Variants in ANGPT1 observed in about 807,000 individuals in gnomAD.
ANGPT1 encodes angiopoietin 1.
Under a neutral mutation model 62.2 loss-of-function variants are expected in ANGPT1, and 17 were observed. The observed-to-expected ratio is 0.27, with a 90% CI of 0.19 to 0.41. The LOEUF (loss-of-function observed/expected upper bound fraction) is 0.41. ANGPT1 is among the 10% of genes least tolerant of loss of function. ANGPT1 has a pLI of 1.00. For synonymous variants in ANGPT1, 199 were observed against 198.9 expected, an observed-to-expected ratio of 1.00 and a Z score of 0.00; for missense variants, 478 against 594.9, an observed-to-expected ratio of 0.80 and a Z score of 2.04.
Position 107,365,798 on chromosome 8 carries a change from T to G in ANGPT1, c.298-18701A>C, listed in dbSNP as rs150717754. Among the ~76,000 whole-genome samples, 723 of 152,124 alleles carry G rather than the reference T, an allele frequency of 4.8e-3. 5 individuals carry two copies. The highest frequency in any genetic ancestry group is 0.017 in the African/African-American group (691 of 41,498). On this transcript the variant is annotated intron_variant, in intron 1 of 8. Transcript: ENST00000517746. Reference sequence around the variant, plus strand: ...AGGTTAAAGTAGTGGTTTTCTCATTTTCTTGACTGTGACCCACAGTAAGAA... The same window carrying G: ...AGGTTAAAGTAGTGGTTTTCTCATTGTCTTGACTGTGACCCACAGTAAGAA...
intron 1 of ANGPT1, among the ~76,000 whole-genome samples, chr8:107,353,645 C>CA (rs1195553666): frequency 3.3e-5 from 5 of 151,994 alleles, no homozygotes; most frequent in African/African-American, 1.2e-4. Context: ...TCACACATGG[C>CA]AAAAAACAGA....
At chr8:107,479,562 A>G (rs1812621627) in intron 1 of ANGPT1, among the ~76,000 whole-genome samples, 1 of 152,152 alleles carries the variant, frequency 6.6e-6, no homozygotes, top group Non-Finnish European at 1.5e-5. Context: ...GTGCTAACTC[A>G]TTTTACGTTT....
intron 1 of ANGPT1, among the ~76,000 whole-genome samples, chr8:107,375,032 C>T (rs997937605): frequency 6.6e-6 from 1 of 151,968 alleles, no homozygotes. Context: ...TGGTGGCACG[C>T]GCCTACAGTC....
intron 1 of ANGPT1, among the ~76,000 whole-genome samples, chr8:107,402,298 C>A (rs1299698042): frequency 6.6e-6 from 1 of 152,108 alleles, no homozygotes; most frequent in Admixed American, 6.5e-5. Flanking sequence ...TATTATATTC[C>A]AGCCCAATTT....
chr8:107,383,870 C>T (rs1441201768), intron 1 of ANGPT1, among the ~76,000 whole-genome samples: 1 of 152,084 alleles, frequency 6.6e-6, no homozygotes, highest in Non-Finnish European at 1.5e-5. Flanking sequence ...TTGGAGCCCA[C>T]AGAGATTGTT....
intron 6 of ANGPT1, among the ~76,000 whole-genome samples, chr8:107,286,550 A>G (rs1248298810): frequency 6.6e-6 from 1 of 151,198 alleles, no homozygotes; most frequent in African/African-American, 2.4e-5. Context: ...CCCTCGTTTT[A>G]TTTTTTTTTA....
chr8:107,425,006 C>G (rs545375976), intron 1 of ANGPT1, among the ~76,000 whole-genome samples: 1 of 152,282 alleles, frequency 6.6e-6, no homozygotes, highest in Non-Finnish European at 1.5e-5. Context: ...TCCTGGGTAG[C>G]TGAGACTACA....
chr8:107,387,135 G>T (rs150963122), intron 1 of ANGPT1, among the ~76,000 whole-genome samples: 1 of 151,994 alleles, frequency 6.6e-6, no homozygotes, highest in African/African-American at 2.4e-5. Context: ...CTAAGTAGTC[G>T]GGAAAGGCTC....
intron 1 of ANGPT1, among the ~76,000 whole-genome samples, chr8:107,464,508 T>C (rs757921723): frequency 6.6e-6 from 1 of 152,130 alleles, no homozygotes; most frequent in Non-Finnish European, 1.5e-5. Context: ...CTAGGTGGTG[T>C]ACTAGATGCT....
intron 1 of ANGPT1, among the ~76,000 whole-genome samples, chr8:107,432,523 G>A (rs373439365): frequency 6.6e-6 from 1 of 152,036 alleles, no homozygotes; most frequent in Non-Finnish European, 1.5e-5. Context: ...AATTAGCCAC[G>A]CATGGTGGCG....
intron 7 of ANGPT1, among the ~76,000 whole-genome samples, chr8:107,269,906 A>T (rs1813700307): frequency 6.6e-6 from 1 of 152,044 alleles, no homozygotes; most frequent in Admixed American, 6.6e-5. Flanking sequence ...GGGAAAACTG[A>T]TGTCCATTGA....
intron 1 of ANGPT1, among the ~76,000 whole-genome samples, chr8:107,378,379 T>C (rs754921673): frequency 1.3e-5 from 2 of 152,208 alleles, no homozygotes; most frequent in Non-Finnish European, 2.9e-5. Flanking sequence ...AGCATCTGTG[T>C]ATAGTATAAA....
chr8:107,317,636 T>A (rs1281779797), intron 4 of ANGPT1, among the ~76,000 whole-genome samples: 24 of 9,742 alleles, frequency 2.5e-3, no homozygotes, highest in South Asian at 3.2e-3. Context: ...TTATTTTTAT[T>A]TTTTTTTTTT....
chr8:107,418,657 A>C (rs1810815235), intron 1 of ANGPT1, among the ~76,000 whole-genome samples: 1 of 152,186 alleles, frequency 6.6e-6, no homozygotes, highest in Admixed American at 6.5e-5. Context: ...GCTTTTGAAG[A>C]TATATGTAAG....
intron 1 of ANGPT1, among the ~76,000 whole-genome samples, chr8:107,458,526 C>T (rs1022782113): frequency 5.3e-5 from 8 of 152,066 alleles, no homozygotes. Flanking sequence ...AAAATATTTT[C>T]AGCAAGATTT....
chr8:107,460,348 C>G (rs1373490371), intron 1 of ANGPT1, among the ~76,000 whole-genome samples: 1 of 152,010 alleles, frequency 6.6e-6, no homozygotes, highest in East Asian at 1.9e-4. Flanking sequence ...TATGTATAGA[C>G]CATGTCTTTG....
At chr8:107,440,421 G>A (rs1306389312) in intron 1 of ANGPT1, among the ~76,000 whole-genome samples, 1 of 152,070 alleles carries the variant, frequency 6.6e-6, no homozygotes, top group Non-Finnish European at 1.5e-5. Flanking sequence ...AGCCCAAGTG[G>A]GTGAAATGAC....
intron 1 of ANGPT1, among the ~76,000 whole-genome samples, chr8:107,496,543 C>A (rs528913722): frequency 3.3e-5 from 5 of 152,182 alleles, no homozygotes; most frequent in Non-Finnish European, 7.3e-5. Context: ...CTACATGCTG[C>A]GTTCAGCCCA....
chr8:107,457,993 T>G (rs923812468), intron 1 of ANGPT1, among the ~76,000 whole-genome samples: 1 of 152,040 alleles, frequency 6.6e-6, no homozygotes, highest in African/African-American at 2.4e-5. Flanking sequence ...AAAAATATTA[T>G]GATCATATTG....
Sources: allele counts gnomAD v4.1 joint callset (sites outside exome capture counted in the v4.1 genomes callset), GRCh38; gene constraint gnomAD v4.1.1; transcripts MANE v1.5; gene names NCBI Gene and HGNC (gene_info 2026-07-23, HGNC 2026-07-21).